ZNF99: variants seen among roughly 807,000 people sequenced by gnomAD.
ZNF99 encodes zinc finger protein ENSP00000375192.
Under a neutral mutation model 12.8 loss-of-function variants are expected in ZNF99, and 8 were observed. The ratio of observed to expected loss-of-function variants is 0.62; its 90% CI spans 0.37 to 1.13. The LOEUF is 1.13. Ranked by LOEUF, ZNF99 falls within the 50% of genes most tolerant of loss-of-function variation. ZNF99 has a pLI of 0.02. For missense variants in ZNF99, 1,007 were observed against 1,006.2 expected, an observed-to-expected ratio of 1.00 and a Z score of -0.01; for synonymous variants, 318 against 319.0, an observed-to-expected ratio of 1.00 and a Z score of 0.03.
rs780690672 is a variant in ZNF99 at position 22,757,979 on chromosome 19, T to G, written c.1930A>C (p.Thr644Pro). The G allele has an allele frequency of 6.2e-7, 1 of 1,613,552 alleles. No individual in the cohort carries two copies. The stretch of plus-strand genomic sequence containing the variant: ...TCACATTTGTAGGGTTTCTCTCCAG[T>G]ATGAATTATCTCATGTTTTCTAAGG... ...STLRKHEIIH[T>P]GEKPYKCEEC... The change falls in exon 4 of 4, where the codon ACT becomes CCT. Residue 644 changes from threonine (T) to proline (P), a missense_variant. Thr to Pro is a conservative substitution (Grantham distance 38, BLOSUM62 -1). Transcript: ENST00000596209.
intron 1 of ZNF99, among the ~76,000 whole-genome samples, chr19:22,779,500 C>T (rs1333669329): frequency 6.6e-6 from 1 of 151,990 alleles, no homozygotes; most frequent in East Asian, 1.9e-4. Flanking sequence ...ACTCCAGCCT[C>T]AGCAACAGAG....
chr19:22,768,267 T>A lies in ZNF99; in HGVS notation c.226+38A>T, dbSNP rs377047243. On this transcript the variant is annotated intron_variant, in intron 3 of 3. Coordinates refer to ENST00000596209, the MANE Select transcript of ZNF99 (RefSeq NM_001080409.3). ...TGGCTTTCTCCTGGACCTCTGGACC[T>A]CTTATTTGTGTTGTTTCTTGTATTC... The A allele has an allele frequency of 2.5e-6, 4 of 1,607,460 alleles. No homozygotes were observed. In the African/African-American group the frequency reaches 5.3e-5, roughly 21 times the overall value.
chr19:22,779,255 G>A (rs1266599779), intron 1 of ZNF99, among the ~76,000 whole-genome samples: 2 of 152,040 alleles, frequency 1.3e-5, no homozygotes, highest in Non-Finnish European at 2.9e-5. Flanking sequence ...GCCGGGCGCG[G>A]TAGCTCATGC....
At chr19:22,772,895 G>A (rs1599447945) in intron 1 of ZNF99, among the ~76,000 whole-genome samples, 2 of 152,152 alleles carry the variant, frequency 1.3e-5, no homozygotes, top group South Asian at 4.1e-4. Context: ...ATTTTAACAA[G>A]AGGAAGAAAA....
chr19:22,769,856 G>C (rs970076185), intron 1 of ZNF99: 1 of 1,341,352 alleles, frequency 7.5e-7, no homozygotes, highest in Non-Finnish European at 9.9e-7. Context: ...CACAACACCA[G>C]CACAGACAAG....
At position 22,757,354 on chromosome 19, in the gene ZNF99, T is replaced by C. The variant is rs747033854; in HGVS notation, c.2555A>G (p.Lys852Arg). 1 of 1,611,506 alleles carries C rather than the reference T, an allele frequency of 6.2e-7. No individual in the cohort carries two copies. The highest frequency in any genetic ancestry group is 1.1e-5 in the South Asian group (1 of 90,918). The change falls in exon 4 of 4, where the codon AAG (lysine) becomes AGG (arginine). Residue 852 changes from lysine (K) to arginine (R), a missense_variant. Transcript: ENST00000596209. ...RNPANVKNVA[K>R]LLNISQPLEN... ...TAAGGGCTGAGAAATGTTTAAAAGC[T>C]TTGCCACATTCTTCACATTTGCAGG...
intron 3 of ZNF99, among the ~76,000 whole-genome samples, chr19:22,765,025 T>C (rs921956753): frequency 2.0e-5 from 3 of 152,170 alleles, no homozygotes; most frequent in African/African-American, 7.2e-5. Flanking sequence ...ATGAAAAAGA[T>C]ACTTACACAC....
chr19:22,772,642 A>C (rs1348387216), intron 1 of ZNF99, among the ~76,000 whole-genome samples: 1 of 150,530 alleles, frequency 6.6e-6, no homozygotes. Flanking sequence ...GTGCCATTGC[A>C]CTCCAGCCTG....
chr19:22,765,588 A>G (rs150579067), intron 3 of ZNF99, among the ~76,000 whole-genome samples: 27 of 152,120 alleles, frequency 1.8e-4, no homozygotes, highest in African/African-American at 5.5e-4. Flanking sequence ...TTAATCCATA[A>G]TACTTGATCA....
At chr19:22,772,625 C>T (rs1226548442) in intron 1 of ZNF99, among the ~76,000 whole-genome samples, 3 of 149,842 alleles carry the variant, frequency 2.0e-5, no homozygotes, top group Non-Finnish European at 4.4e-5. Flanking sequence ...TGCGGTGAGC[C>T]GAGATGGTGC....
Position 22,759,014 on chromosome 19 carries a change from G to A in ZNF99, c.895C>T (p.His299Tyr), listed in dbSNP as rs1435274706. The A allele has an allele frequency of 1.2e-6, 2 of 1,612,512 alleles. No individual in the cohort carries two copies. The highest frequency in any genetic ancestry group is 2.2e-5 in the South Asian group (2 of 90,966). ...TGAATTGCTTTATGTCTAGTAAGGT[G>A]TGAGGATTGCTTAAAAGCTTTGCCA... ...ECGKAFKQSSHLTRHKAIHTG... is the reference protein window; with the variant it reads ...ECGKAFKQSSYLTRHKAIHTG... Residue 299 changes from histidine (H) to tyrosine (Y), a missense_variant, in exon 4 of 4, where the codon CAC becomes TAC. Physicochemically the swap from His to Tyr is moderately conservative, Grantham distance 83 (BLOSUM62 2). Coordinates refer to ENST00000596209, the MANE Select transcript of ZNF99 (RefSeq NM_001080409.3).
chr19:22,759,538 T>C lies in ZNF99; in HGVS notation c.371A>G (p.Lys124Arg), dbSNP rs1209879565. 1.2e-6 allele frequency: 2 copies of C among 1,612,074 alleles called. No homozygotes were observed. The highest frequency in any genetic ancestry group is 1.7e-5 in the Admixed American group (1 of 59,836). ...RKDCESVNEG[K>R]MHEEAYNKLN... ...TTTATTATAAGCTTCTTCGTGCATC[T>C]TACCCTCATTGACACTTTCACAATC... Residue 124 changes from lysine (K) to arginine (R), a missense_variant, in exon 4 of 4, where the codon AAG (lysine) becomes AGG (arginine). Lys to Arg is a conservative substitution (Grantham distance 26). Transcript: ENST00000596209.
rs748828664 is a variant in ZNF99 at position 22,759,505 on chromosome 19, T to C, written c.404A>G (p.Gln135Arg). 3 of 1,608,026 alleles carry C rather than the reference T, an allele frequency of 1.9e-6. No homozygotes were observed. The highest frequency in any genetic ancestry group is 2.2e-5 in the South Asian group (2 of 89,146). The change falls in exon 4 of 4, where the codon CAA (glutamine) becomes CGA (arginine). Residue 135 changes from glutamine (Q) to arginine (R), a missense_variant. Gln to Arg is a conservative substitution (Grantham distance 43). Transcript: ENST00000596209. ...MHEEAYNKLN[Q>R]CWTTTQGKIF... ...TTTTCCCTGGGTAGTTGTCCAACAT[T>C]GGTTAAGTTTATTATAAGCTTCTTC...
chr19:22,776,648 G>C (rs1161042672), intron 1 of ZNF99, among the ~76,000 whole-genome samples: 1 of 141,476 alleles, frequency 7.1e-6, no homozygotes, highest in Admixed American at 7.2e-5. Flanking sequence ...CAACCATTGT[G>C]AAAAGCAGTG....
chr19:22,755,208 G>T lies in ZNF99; in HGVS notation c.*2106C>A. ...CATTGCCACTTTCTTCACATTTGTA[G>T]GGTTTTTCTCCAGTACGAATTTTCT... is the stretch of plus-strand genomic sequence containing the variant. On this transcript the variant is annotated 3_prime_UTR_variant, in exon 4 of 4. Transcript: ENST00000596209. 3.6e-6 allele frequency: 1 copy of T among 276,892 alleles called. No homozygotes were observed. The highest frequency in any genetic ancestry group is 4.5e-5 in the South Asian group (1 of 22,384). The allele number at this position is 276,892 out of a possible 1,614,324, so 17.2% of individuals were successfully genotyped here.
Position 22,758,833 on chromosome 19 carries a change from T to C in ZNF99, c.1076A>G (p.His359Arg). The change falls in exon 4 of 4, where the codon CAT becomes CGT. Residue 359 changes from histidine (H) to arginine (R), a missense_variant. His to Arg is a conservative substitution (Grantham distance 29). Coordinates refer to ENST00000596209, the MANE Select transcript of ZNF99 (RefSeq NM_001080409.3). ...TTTCTCTTCAGTATGAATTATCTCA[T>C]GTTTTCTAAGGGTTGAGGACTGGCT... Reference protein sequence around the residue: ...AFSQSSTLRKHEIIHTEEKPY... With the variant: ...AFSQSSTLRKREIIHTEEKPY... 6.2e-7 allele frequency: 1 copy of C among 1,606,194 alleles called. No individual in the cohort carries two copies. Among genetic ancestry groups the C allele is most frequent in the Admixed American group, 1.7e-5 (1 of 59,698 alleles).
In ZNF99 at chr19:22,752,944, T is replaced by G. The variant is rs1972990006; in HGVS notation, c.*4370A>C. 1 of 152,142 alleles carries G rather than the reference T, an allele frequency of 6.6e-6. No homozygotes were observed. The highest frequency in any genetic ancestry group is 1.5e-5 in the Non-Finnish European group (1 of 67,994). 9.4% of individuals were successfully genotyped at this position (152,142 alleles called of 1,614,324 possible). A position where few individuals can be genotyped will look rare whatever the true frequency, so the allele number is the denominator to read the frequency against. Reference sequence around the variant, plus strand: ...CCACAAAAAGCCTCTCCATTTAGATTTTTATCATGCATTTTATATTTTAAT... The same window carrying G: ...CCACAAAAAGCCTCTCCATTTAGATGTTTATCATGCATTTTATATTTTAAT... On this transcript the variant is annotated 3_prime_UTR_variant, in exon 4 of 4. Transcript: ENST00000596209.
rs183240953 is a variant in ZNF99 at position 22,759,490 on chromosome 19, G to A, written c.419C>T (p.Thr140Ile). 142 of 1,606,874 alleles carry A rather than the reference G, an allele frequency of 8.8e-5. No homozygotes were observed. Among genetic ancestry groups the A allele is most frequent in the Middle Eastern group, 8.3e-4 (5 of 6,012 alleles). Reference sequence around the variant, plus strand: ...GTTACACTGAAATATTTTTCCCTGGGTAGTTGTCCAACATTGGTTAAGTTT... The same window carrying A: ...GTTACACTGAAATATTTTTCCCTGGATAGTTGTCCAACATTGGTTAAGTTT... The part of the protein sequence containing the change: ...YNKLNQCWTT[T>I]QGKIFQCNKY... The change falls in exon 4 of 4, where the codon ACC becomes ATC. Residue 140 changes from threonine to isoleucine, a missense_variant. Coordinates refer to ENST00000596209, the MANE Select transcript of ZNF99 (RefSeq NM_001080409.3).
Position 22,756,321 on chromosome 19 carries a change from G to A in ZNF99, c.*993C>T. 2 of 1,568,216 alleles carry A rather than the reference G, an allele frequency of 1.3e-6. No homozygotes were observed. Among genetic ancestry groups the A allele is most frequent in the South Asian group, 1.1e-5 (1 of 88,546 alleles). On this transcript the variant is annotated 3_prime_UTR_variant, in exon 4 of 4. Transcript: ENST00000596209. ...TTCCCTCCAGTATGAATTGTTTTAT[G>A]TTGAGTAAGGTGTGAGGACTGGTTA...
Sources: gnomAD v4.1 joint callset for allele counts (sites outside exome capture counted in the v4.1 genomes callset) on GRCh38, gnomAD v4.1.1 for gene constraint, MANE v1.5 for transcripts, NCBI Gene and HGNC (gene_info 2026-07-23, HGNC 2026-07-21) for gene names.